The following ARHGEF4 variants were observed in gnomAD, a reference collection of about 807,000 sequenced individuals.
ARHGEF4 encodes the protein Rho guanine nucleotide exchange factor 4.
A neutral mutation model predicts 162.0 loss-of-function variants in ARHGEF4; 119 were observed. That is an observed-to-expected ratio of 0.73 (90% CI 0.63 to 0.86). The LOEUF (loss-of-function observed/expected upper bound fraction) is 0.86. Ranked by LOEUF, ARHGEF4 falls within the 40% of genes least tolerant of loss-of-function variation. The pLI is 0.00. For missense variants in ARHGEF4, 2,488 were observed against 2,456.0 expected, an observed-to-expected ratio of 1.01 and a Z score of -0.28; for synonymous variants, 1,014 against 979.9, an observed-to-expected ratio of 1.03 and a Z score of -0.65.
chr2:130,964,380 C>T (rs948057541), intron 4 of ARHGEF4: 3 of 408,980 alleles, frequency 7.3e-6, no homozygotes, highest in African/African-American at 6.8e-5. Context: ...TCTCCTGGTC[C>T]CTTCCTTCCC....
intron 4 of ARHGEF4, chr2:131,011,809 G>A (rs1383651707): frequency 3.1e-5 from 24 of 778,008 alleles, no homozygotes; most frequent in African/African-American, 5.1e-5. Context: ...ACCAAGGACC[G>A]CTCAGGGTAT....
At chr2:130,953,075 C>A (rs538410344) in intron 4 of ARHGEF4, among the ~76,000 whole-genome samples, 28 of 150,690 alleles carry the variant, frequency 1.9e-4, no homozygotes, top group Admixed American at 1.2e-3. Flanking sequence ...CATATGGAAT[C>A]AAAAAAAAAG....
intron 4 of ARHGEF4, among the ~76,000 whole-genome samples, chr2:130,974,831 A>G (rs1016211644): frequency 1.3e-4 from 20 of 152,158 alleles, no homozygotes; most frequent in African/African-American, 4.3e-4. Flanking sequence ...ATAAAACACA[A>G]GAATTGATTC....
intron 4 of ARHGEF4, among the ~76,000 whole-genome samples, chr2:130,993,489 C>G (rs961850438): frequency 1.3e-5 from 2 of 152,036 alleles, no homozygotes; most frequent in Non-Finnish European, 2.9e-5. Flanking sequence ...GGTCAAATCT[C>G]TCTGTCTTTG....
chr2:130,989,614 T>C (rs1018331502), intron 4 of ARHGEF4, among the ~76,000 whole-genome samples: 3 of 152,220 alleles, frequency 2.0e-5, no homozygotes, highest in Admixed American at 2.0e-4. Context: ...TTAGATCAAT[T>C]TGTAACATTT....
intron 1 of ARHGEF4, among the ~76,000 whole-genome samples, chr2:130,838,779 G>A (rs1055785627): frequency 6.6e-6 from 1 of 152,136 alleles, no homozygotes; most frequent in Non-Finnish European, 1.5e-5. Context: ...GAAGATGGCC[G>A]GACAGAATCC....
chr2:130,897,186 A>G (rs1346612890), intron 1 of ARHGEF4, among the ~76,000 whole-genome samples: 1 of 152,202 alleles, frequency 6.6e-6, no homozygotes, highest in East Asian at 1.9e-4. Flanking sequence ...AACAGCGCAC[A>G]CAGTAAAATG....
intron 2 of ARHGEF4, chr2:130,929,752 A>G (rs1208889224): frequency 1.5e-5 from 3 of 199,882 alleles, no homozygotes; most frequent in African/African-American, 7.1e-5. Flanking sequence ...TCTCCTGTAC[A>G]ACTGGAGTAG....
chr2:131,041,445 C>A lies in ARHGEF4; in HGVS notation c.4878C>A (p.Tyr1626Ter), dbSNP rs1690803062. 1 of 1,612,602 alleles carries A rather than the reference C, an allele frequency of 6.2e-7. No individual in the cohort carries two copies. The highest frequency in any genetic ancestry group is 8.5e-7 in the Non-Finnish European group (1 of 1,179,864). Residue 1626 changes from tyrosine to a stop codon, truncating the protein, a stop_gained, in exon 9 of 14, where the codon TAC (tyrosine) becomes TAA (stop). Coordinates refer to ENST00000409359, the MANE Select transcript of ARHGEF4 (RefSeq NM_001367493.1). LOFTEE classifies it high-confidence loss of function. ...YPLQLAELLK[Y>*]THPQHRDFKD... Reference sequence around the variant, plus strand: ...TGCAGCTGGCCGAGCTGCTCAAATACACGCACCCCCAGCACAGGTAGGAGG... The same window carrying A: ...TGCAGCTGGCCGAGCTGCTCAAATAAACGCACCCCCAGCACAGGTAGGAGG...
intron 1 of ARHGEF4, among the ~76,000 whole-genome samples, chr2:130,891,858 G>T (rs1231801623): frequency 6.6e-6 from 1 of 152,114 alleles, no homozygotes; most frequent in African/African-American, 2.4e-5. Context: ...GTACAATTCA[G>T]TCCATCACAG....
intron 4 of ARHGEF4, among the ~76,000 whole-genome samples, chr2:130,999,253 A>C (rs1687606159): frequency 2.0e-5 from 3 of 146,382 alleles, no homozygotes; most frequent in East Asian, 4.1e-4. Context: ...TCCTGGGTTC[A>C]CGCCCATTCT....
chr2:130,926,040 C>CTTTCTTTCTTTG (rs1201289023), intron 2 of ARHGEF4, among the ~76,000 whole-genome samples: 1 of 109,912 alleles, frequency 9.1e-6, no homozygotes, highest in Admixed American at 8.4e-5. Context: ...TTCTTTCTTT[C>CTTTCTTTCTTTG]TTTCTTTCTC....
chr2:131,044,129 A>AT (rs1691042583), intron 11 of ARHGEF4, among the ~76,000 whole-genome samples, 170 bp from the exon 12 acceptor site: 1 of 152,122 alleles, frequency 6.6e-6, no homozygotes, highest in South Asian at 2.1e-4. Flanking sequence ...ATGGCTCAGC[A>AT]TGTCTGTGGG....
chr2:130,870,007 C>T (rs796282064), intron 1 of ARHGEF4, among the ~76,000 whole-genome samples: 6 of 152,300 alleles, frequency 3.9e-5, no homozygotes, highest in African/African-American at 1.4e-4. Flanking sequence ...TGAAAAGCTC[C>T]ATTATTTGCC....
At position 130,917,102 on chromosome 2, in the gene ARHGEF4, G is replaced by A; in HGVS notation, c.3156G>A (p.Trp1052Ter). The change falls in exon 2 of 14, where the codon TGG (tryptophan) becomes TGA (stop). Residue 1052 changes from tryptophan to a stop codon, truncating the protein, a stop_gained. Coordinates refer to ENST00000409359, the MANE Select transcript of ARHGEF4 (RefSeq NM_001367493.1). LOFTEE classifies it high-confidence loss of function. ...LPSGIFPEKS[W>*]LASPGSPRAQ... ...CAGGTATCTTTCCGGAAAAGTCCTG[G>A]CTGGCGTCCCCCGGCAGCCCTCGGG... The A allele has an allele frequency of 6.4e-7, 1 of 1,550,528 alleles. No individual in the cohort carries two copies. Among genetic ancestry groups the A allele is most frequent in the Non-Finnish European group, 8.7e-7 (1 of 1,146,980 alleles).
Position 131,046,444 on chromosome 2 carries a change from G to A in ARHGEF4, c.*255G>A, listed in dbSNP as rs866677308. ...CGCCGCTGCAGCTTGGGCCCCATCC[G>A]CCCTCTGGACCTGTGTAGGGCCTCA... On this transcript the variant is annotated 3_prime_UTR_variant, in exon 14 of 14. Transcript: ENST00000409359. The A allele has an allele frequency of 5.3e-5, 27 of 514,268 alleles. No homozygotes were observed. Among genetic ancestry groups the A allele is most frequent in the South Asian group, 2.5e-4 (10 of 39,658 alleles). 31.9% of individuals were successfully genotyped at this position (514,268 alleles called of 1,614,324 possible). A position where few individuals can be genotyped will look rare whatever the true frequency, so the allele number is the denominator to read the frequency against.
intron 2 of ARHGEF4, 55 bp downstream of exon 2, chr2:130,917,553 G>A: frequency 6.7e-7 from 1 of 1,487,532 alleles, no homozygotes; most frequent in South Asian, 1.4e-5. Context: ...AAGAGAAGGA[G>A]GGGAGCAGGC....
intron 4 of ARHGEF4, among the ~76,000 whole-genome samples, chr2:131,025,053 A>G (rs528804233): frequency 1.3e-5 from 2 of 152,264 alleles, no homozygotes; most frequent in Admixed American, 6.5e-5. Context: ...GTATTAGTCC[A>G]TTCTCACAGT....
intron 4 of ARHGEF4, among the ~76,000 whole-genome samples, chr2:131,000,673 G>A (rs72860140): frequency 0.18 from 27,736 of 152,028 alleles, 2,935 homozygotes; most frequent in African/African-American, 0.29. Flanking sequence ...ACATTTTTAG[G>A]AGTTGACGTA....
Sources: gnomAD v4.1 joint callset for allele counts (sites outside exome capture counted in the v4.1 genomes callset) on GRCh38, gnomAD v4.1.1 for gene constraint, MANE v1.5 for transcripts, NCBI Gene and HGNC (gene_info 2026-07-23, HGNC 2026-07-21) for gene names.